Variants in RGS6 observed in about 807,000 individuals in gnomAD.
RGS6 encodes regulator of G protein signaling 6.
A neutral mutation model predicts 78.5 loss-of-function variants in RGS6; 30 were observed. The ratio of observed to expected loss-of-function variants is 0.38; its 90% CI spans 0.29 to 0.52. The LOEUF is 0.52. Among genes scored for constraint, RGS6 ranks in the 20% least tolerant of loss-of-function variants. RGS6 has a pLI of 0.85. For missense variants in RGS6, 495 were observed against 609.7 expected, an observed-to-expected ratio of 0.81 and a Z score of 1.98; for synonymous variants, 206 against 206.0, an observed-to-expected ratio of 1.00 and a Z score of 0.00.
chr14:71,989,049 T>C (rs1358299352), intron 2 of RGS6, among the ~76,000 whole-genome samples: 2 of 152,260 alleles, frequency 1.3e-5, no homozygotes, highest in East Asian at 1.9e-4. Context: ...GATATTCCAC[T>C]TGCTGGCTGG....
At chr14:71,950,063 G>C (rs1465160890) in intron 1 of RGS6, among the ~76,000 whole-genome samples, 1 of 151,914 alleles carries the variant, frequency 6.6e-6, no homozygotes, top group Non-Finnish European at 1.5e-5. Context: ...TCTTAATTAC[G>C]TGAGCTTTAT....
intron 3 of RGS6, among the ~76,000 whole-genome samples, chr14:72,383,034 G>T (rs1182772175): frequency 1.3e-5 from 2 of 150,652 alleles, no homozygotes; most frequent in Non-Finnish European, 1.5e-5. Flanking sequence ...CTTTTTACTG[G>T]GTGGTGGGTA....
At position 72,497,578 on chromosome 14, in the gene RGS6, ACAT is replaced by A. The variant is rs200508541; in HGVS notation, c.965+2321_965+2323del. Among the ~76,000 whole-genome samples the A allele has an allele frequency of 3.2e-4, 48 of 152,298 alleles. No individual in the cohort carries two copies. The East Asian group carries it at 8.5e-3, about 27-fold the overall frequency. On this transcript the variant is annotated intron_variant, in intron 13 of 17. Coordinates refer to ENST00000553525, the MANE Select transcript of RGS6 (RefSeq NM_001204424.2). ...TAACTTTTAAATGTTTTAATTAAAA[ACAT>A]CATCGATTTAAACAAACAAGAGTGA...
chr14:72,411,496 A>G (rs1476519062), intron 3 of RGS6, among the ~76,000 whole-genome samples: 3 of 152,324 alleles, frequency 2.0e-5, no homozygotes, highest in East Asian at 1.9e-4. Context: ...TAGATATACA[A>G]TCATGTCATC....
chr14:72,166,039 T>A (rs1598700878), intron 2 of RGS6, among the ~76,000 whole-genome samples: 1 of 149,942 alleles, frequency 6.7e-6, no homozygotes, highest in African/African-American at 2.4e-5. Flanking sequence ...TGTTGTAAAA[T>A]TTATCTTTCC....
At chr14:72,556,981 A>G (rs1250911906) in intron 17 of RGS6, among the ~76,000 whole-genome samples, 1 of 152,328 alleles carries the variant, frequency 6.6e-6, no homozygotes, top group East Asian at 1.9e-4. Flanking sequence ...GCGAGAGTTG[A>G]GGAAGGTTGC....
At position 71,980,141 on chromosome 14, in the gene RGS6, G is replaced by C. The variant is rs1290286919; in HGVS notation, c.84+15266G>C. Reference sequence around the variant, plus strand: ...AGATCTTCCTCCATCCTTTTATTTTGAGCCTATGTGTGTCTCTGCACATGA... The same window carrying C: ...AGATCTTCCTCCATCCTTTTATTTTCAGCCTATGTGTGTCTCTGCACATGA... On this transcript the variant is annotated intron_variant, in intron 2 of 17. Coordinates refer to ENST00000553525, the MANE Select transcript of RGS6 (RefSeq NM_001204424.2). Among the ~76,000 whole-genome samples the C allele has an allele frequency of 3.3e-5, 4 of 119,670 alleles. 1 individual carries two copies. The highest frequency in any genetic ancestry group is 6.9e-5 in the Non-Finnish European group (4 of 58,234). 78.5% of individuals were successfully genotyped at this position (119,670 alleles called of 152,430 possible).
intron 2 of RGS6, among the ~76,000 whole-genome samples, chr14:72,152,414 C>T (rs915209339): frequency 2.6e-5 from 4 of 152,036 alleles, no homozygotes; most frequent in Non-Finnish European, 5.9e-5. Flanking sequence ...TAGTACGTTC[C>T]AAATCACTGG....
chr14:72,064,518 C>T (rs1338235717), intron 2 of RGS6, among the ~76,000 whole-genome samples: 1 of 152,184 alleles, frequency 6.6e-6, no homozygotes, highest in Admixed American at 6.5e-5. Flanking sequence ...TTGGGTAAGT[C>T]ATTAAAATTA....
chr14:72,135,246 G>C (rs1175258313), intron 2 of RGS6, among the ~76,000 whole-genome samples: 1 of 152,064 alleles, frequency 6.6e-6, no homozygotes, highest in African/African-American at 2.4e-5. Flanking sequence ...CAAAAACCTT[G>C]GTCTGAAGAA....
At chr14:72,561,343 C>T (rs905517762) in intron 17 of RGS6, among the ~76,000 whole-genome samples, 3 of 152,230 alleles carry the variant, frequency 2.0e-5, no homozygotes, top group Admixed American at 6.5e-5. Flanking sequence ...TCACAGATGG[C>T]GGTGGTGTCG....
chr14:72,117,923 C>T (rs2095943486), intron 2 of RGS6, among the ~76,000 whole-genome samples: 2 of 152,130 alleles, frequency 1.3e-5, no homozygotes, highest in African/African-American at 4.8e-5. Context: ...CAGACAATCT[C>T]CTCTGCCCTG....
chr14:72,353,522 G>A (rs1037842876), intron 3 of RGS6, among the ~76,000 whole-genome samples: 1 of 152,178 alleles, frequency 6.6e-6, no homozygotes, highest in Non-Finnish European at 1.5e-5. Flanking sequence ...TCACAAAACC[G>A]TAGTGATAAA....
At chr14:72,007,856 A>T (rs536841551) in intron 2 of RGS6, among the ~76,000 whole-genome samples, 2 of 152,282 alleles carry the variant, frequency 1.3e-5, no homozygotes, top group South Asian at 4.1e-4. Flanking sequence ...TGGAGTTGAA[A>T]GGGGGTTGTG....
chr14:72,258,194 A>T (rs1266497049), intron 2 of RGS6, among the ~76,000 whole-genome samples: 3 of 152,236 alleles, frequency 2.0e-5, no homozygotes, highest in African/African-American at 7.2e-5. Flanking sequence ...AGATGACATT[A>T]CAGTGAGGTC....
At chr14:72,506,229 TA>T (rs147805915) in intron 13 of RGS6, among the ~76,000 whole-genome samples, 2,072 of 150,838 alleles carry the variant, frequency 0.014, 42 homozygotes, top group African/African-American at 0.048. Context: ...CTCAAAGAGC[TA>T]AAAAAAAATA....
intron 2 of RGS6, among the ~76,000 whole-genome samples, chr14:71,977,766 G>A (rs1434714089): frequency 1.3e-5 from 2 of 151,790 alleles, no homozygotes; most frequent in South Asian, 2.1e-4. Context: ...GGTTCCATAT[G>A]AACTTTAAAG....
At chr14:72,227,611 C>A (rs1376058859) in intron 2 of RGS6, among the ~76,000 whole-genome samples, 1 of 152,082 alleles carries the variant, frequency 6.6e-6, no homozygotes, top group Admixed American at 6.6e-5. Flanking sequence ...TGTAATTTGG[C>A]CTTCAAATAC....
intron 2 of RGS6, among the ~76,000 whole-genome samples, chr14:72,212,315 T>C (rs1472131724): frequency 1.3e-5 from 2 of 152,164 alleles, no homozygotes; most frequent in African/African-American, 4.8e-5. Context: ...ATATTGATAT[T>C]GATAACCTAA....
Sources: gnomAD v4.1 joint callset for allele counts (sites outside exome capture counted in the v4.1 genomes callset) on GRCh38, gnomAD v4.1.1 for gene constraint, MANE v1.5 for transcripts, NCBI Gene and HGNC (gene_info 2026-07-23, HGNC 2026-07-21) for gene names.